Variants in KIAA1217 observed in about 807,000 individuals in gnomAD.
KIAA1217 encodes sickle tail protein homolog.
In KIAA1217, 88 loss-of-function variants were observed where a neutral mutation model predicts 163.9. The ratio of observed to expected loss-of-function variants is 0.54; its 90% CI spans 0.45 to 0.64. The LOEUF is 0.64. Among genes scored for constraint, KIAA1217 ranks in the 30% least tolerant of loss-of-function variants. The pLI is 0.00. For synonymous variants in KIAA1217, 903 were observed against 923.1 expected (o/e 0.98, Z 0.39); for missense variants, 2,372 against 2,475.0 (o/e 0.96, Z 0.88).
chr10:24,090,164 C>CTTTTTTTTT (rs1162687231), intron 2 of KIAA1217, among the ~76,000 whole-genome samples: 2 of 109,236 alleles, frequency 1.8e-5, no homozygotes, highest in Non-Finnish European at 3.6e-5. Context: ...TTTTCTTTTT[C>CTTTTTTTTT]TTTTTTTTTT....
At position 23,895,721 on chromosome 10, in the gene KIAA1217, A is replaced by G. The variant is rs185164717; in HGVS notation, c.-320-111504A>G. On this transcript the variant is annotated intron_variant, in intron 1 of 18. Transcript: ENST00000376462. ...TGTTTATTGCGGCACTGTTCACAAT[A>G]GCAAAGACTTGGAACCAACCCAAAT... Among the ~76,000 whole-genome samples, 524 of 152,186 alleles carry G rather than the reference A, an allele frequency of 3.4e-3. 7 individuals carry two copies. The highest frequency in any genetic ancestry group is 0.011 in the African/African-American group (452 of 41,512).
At chr10:24,494,651 C>T (rs1441464716) in intron 7 of KIAA1217, 47 bp downstream of exon 7, 5 of 1,249,408 alleles carry the variant, frequency 4.0e-6, no homozygotes, top group Non-Finnish European at 4.6e-6. Context: ...ATCTGTTTCT[C>T]TTTTAATCAT....
intron 2 of KIAA1217, among the ~76,000 whole-genome samples, chr10:24,370,740 T>C (rs1186978879): frequency 1.3e-5 from 2 of 152,070 alleles, no homozygotes; most frequent in African/African-American, 4.8e-5. Flanking sequence ...GCACCACGAC[T>C]CCTGGCTAAT....
At chr10:24,129,101 T>G (rs1409385148) in intron 2 of KIAA1217, among the ~76,000 whole-genome samples, 1 of 152,188 alleles carries the variant, frequency 6.6e-6, no homozygotes, top group Non-Finnish European at 1.5e-5. Flanking sequence ...CATATTGAGC[T>G]AGGCAGAAAG....
rs182379971 is a variant in KIAA1217 at position 24,105,434 on chromosome 10, T to A, written c.-171+98060T>A. On this transcript the variant is annotated intron_variant, in intron 2 of 18. Coordinates refer to the KIAA1217 transcript ENST00000376462. ...TATCAAAGGTAGCAGCTTTTTAATG[T>A]CCCTCATTCAGCCCATCTCACAGGC... Among the ~76,000 whole-genome samples, 5 of 152,264 alleles carry A rather than the reference T, an allele frequency of 3.3e-5. No individual in the cohort carries two copies. In the East Asian group the frequency reaches 5.8e-4, roughly 18 times the overall value.
At chr10:24,110,403 C>T (rs1278791741) in intron 2 of KIAA1217, among the ~76,000 whole-genome samples, 1 of 152,034 alleles carries the variant, frequency 6.6e-6, no homozygotes, top group Non-Finnish European at 1.5e-5. Context: ...CTATTATATG[C>T]ACTATTAATG....
intron 2 of KIAA1217, chr10:24,368,881 T>C: frequency 6.1e-6 from 6 of 981,718 alleles, no homozygotes; most frequent in Non-Finnish European, 7.3e-6. Context: ...TTTTATAATT[T>C]ACCAATTGCT....
intron 2 of KIAA1217, among the ~76,000 whole-genome samples, chr10:24,306,391 C>T (rs534278459): frequency 6.6e-6 from 1 of 152,240 alleles, no homozygotes; most frequent in South Asian, 2.1e-4. Context: ...TCGTTTTGCC[C>T]CAAACCTAGA....
At chr10:24,152,266 A>G (rs528898572) in intron 2 of KIAA1217, among the ~76,000 whole-genome samples, 1 of 152,334 alleles carries the variant, frequency 6.6e-6, no homozygotes, top group Admixed American at 6.5e-5. Context: ...TTTGCTGTAA[A>G]TGCCCAGATT....
chr10:24,372,771 A>G (rs996327801), intron 2 of KIAA1217, among the ~76,000 whole-genome samples: 1 of 152,222 alleles, frequency 6.6e-6, no homozygotes, highest in Non-Finnish European at 1.5e-5. Flanking sequence ...AAACACCTTT[A>G]TTATGATTGT....
intron 2 of KIAA1217, among the ~76,000 whole-genome samples, chr10:24,335,133 A>G (rs570062474): frequency 5.3e-5 from 8 of 152,296 alleles, no homozygotes; most frequent in Admixed American, 3.9e-4. Flanking sequence ...ACATTACGCT[A>G]TGGGAAAAAA....
chr10:23,980,391 A>G (rs376909617), intron 1 of KIAA1217, among the ~76,000 whole-genome samples: 1 of 152,202 alleles, frequency 6.6e-6, no homozygotes, highest in East Asian at 1.9e-4. Context: ...ACTTGCTGCC[A>G]GCATTCTGGA....
intron 2 of KIAA1217, among the ~76,000 whole-genome samples, chr10:24,305,018 G>C (rs2041845906): frequency 6.6e-6 from 1 of 152,176 alleles, no homozygotes; most frequent in Non-Finnish European, 1.5e-5. Context: ...AGAACAAATG[G>C]GAGGTGAGGG....
chr10:24,501,592 T>C, intron 9 of KIAA1217, 47 bp downstream of exon 9: 2 of 1,563,178 alleles, frequency 1.3e-6, no homozygotes, highest in Non-Finnish European at 1.7e-6. Context: ...CCTGAGCTCT[T>C]CCTACCTTCC....
chr10:23,810,267 G>A (rs1230282440), intron 1 of KIAA1217, among the ~76,000 whole-genome samples: 1 of 148,626 alleles, frequency 6.7e-6, no homozygotes, highest in Non-Finnish European at 1.5e-5. Flanking sequence ...CTACCTACCT[G>A]TCTATCTGTA....
At chr10:24,224,229 C>G (rs1454028868) in intron 2 of KIAA1217, among the ~76,000 whole-genome samples, 2 of 152,210 alleles carry the variant, frequency 1.3e-5, no homozygotes, top group Non-Finnish European at 1.5e-5. Context: ...GCCTCATTGC[C>G]TGGCAGCTAA....
At position 23,818,061 on chromosome 10, in the gene KIAA1217, A is replaced by G. The variant is rs1446209041; in HGVS notation, c.-321+122827A>G. ...TACATATATATACACATATATATAC[A>G]TATATATATACACACACACATATAG... is the stretch of plus-strand genomic sequence containing the variant. On this transcript the variant is annotated intron_variant, in intron 1 of 18. Transcript: ENST00000376462. Among the ~76,000 whole-genome samples, 14 of 113,638 alleles carry G rather than the reference A, an allele frequency of 1.2e-4. 1 individual carries two copies. Among genetic ancestry groups the G allele is most frequent in the African/African-American group, 6.1e-4 (14 of 23,064 alleles). The allele number at this position is 113,638 out of a possible 152,430, so 74.6% of individuals were successfully genotyped here.
chr10:23,756,908 T>G (rs1479895526), intron 1 of KIAA1217, among the ~76,000 whole-genome samples: 1 of 152,258 alleles, frequency 6.6e-6, no homozygotes, highest in Non-Finnish European at 1.5e-5. Flanking sequence ...CTATACCCAT[T>G]AAACAATACT....
intron 2 of KIAA1217, among the ~76,000 whole-genome samples, chr10:24,097,857 T>C (rs2062223564): frequency 6.6e-6 from 1 of 152,186 alleles, no homozygotes; most frequent in South Asian, 2.1e-4. Flanking sequence ...TCAGGCAGAA[T>C]TGTGCCAAGG....
Sources: allele counts gnomAD v4.1 joint callset (sites outside exome capture counted in the v4.1 genomes callset), GRCh38; gene constraint gnomAD v4.1.1; transcripts MANE v1.5; gene names NCBI Gene and HGNC (gene_info 2026-07-23, HGNC 2026-07-21).